The following FSIP2 variants were observed in gnomAD, a reference collection of about 807,000 sequenced individuals.
FSIP2 encodes fibrous sheath interacting protein 2, also known as fibrous sheath-interacting protein 2.
A neutral mutation model predicts 510.5 loss-of-function variants in FSIP2; 367 were observed. The observed-to-expected ratio is 0.72, with a 90% CI of 0.66 to 0.78. FSIP2 has a LOEUF of 0.78. Among genes scored for constraint, FSIP2 ranks in the 30% least tolerant of loss-of-function variants. The probability of loss-of-function intolerance (pLI) is 0.00; values close to 1 mark genes in which losing one functional copy is unlikely to be tolerated. For missense variants in FSIP2, 7,594 were observed against 7,901.7 expected (o/e 0.96, Z 1.48); for synonymous variants, 2,601 against 2,732.2 (o/e 0.95, Z 1.50).
intron 22 of FSIP2, 26 bp downstream of exon 22, chr2:185,831,908 T>C (rs1226709837): frequency 1.4e-6 from 2 of 1,392,304 alleles, no homozygotes; most frequent in African/African-American, 1.4e-5. Context: ...TTTTAACAAC[T>C]GGTGTAATTA....
Position 185,791,812 on chromosome 2 carries a change from C to A in FSIP2, c.4676C>A (p.Pro1559His). The A allele has an allele frequency of 1.3e-6, 2 of 1,534,008 alleles. No individual in the cohort carries two copies. Among genetic ancestry groups the A allele is most frequent in the Non-Finnish European group, 1.7e-6 (2 of 1,145,468 alleles). The change falls in exon 16 of 23, where the codon CCT (proline) becomes CAT (histidine). Residue 1559 changes from proline (P) to histidine (H), a missense_variant. Pro to His is a moderately conservative substitution (Grantham distance 77). Transcript: ENST00000424728. The stretch of plus-strand genomic sequence containing the variant: ...GAAGAGACTAAAAGCAAGGCAAAAC[C>A]TGTTGCTCCTGTGTCTTCCAAAACA... Reference protein sequence around the residue: ...NKEETKSKAKPVAPVSSKTPS... With the variant: ...NKEETKSKAKHVAPVSSKTPS...
rs1693115714 is a variant in FSIP2, at chr2:185,791,232, T to C, written c.4096T>C (p.Leu1366=). ...ATTAACCTGTATTTATGATATGTTG[T>C]TATCAAGTGAAAATGCACATCAAAG... ...PLLTCIYDML[L]SSENAHQRSI... The change falls in exon 16 of 23, where the codon TTA becomes CTA. Residue 1366 remains leucine, a synonymous_variant. Transcript: ENST00000424728. 1 of 1,533,932 alleles carries C rather than the reference T, an allele frequency of 6.5e-7. No homozygotes were observed. The highest frequency in any genetic ancestry group is 8.7e-7 in the Non-Finnish European group (1 of 1,145,362).
rs775869482 is a variant in FSIP2 at position 185,794,071 on chromosome 2, T to A, written c.6935T>A (p.Leu2312Gln). 2.5e-5 allele frequency: 39 copies of A among 1,531,550 alleles called. No homozygotes were observed. In the East Asian group the frequency reaches 9.1e-4, roughly 36 times the overall value. The allele number at this position is 1,531,550 out of a possible 1,614,324, so 94.9% of individuals were successfully genotyped here. ...SSQVESDVNV[L>Q]KISATETILS... ...CAAGTGGAATCAGATGTAAATGTCCTGAAAATATCAGCAACTGAAACCATT... is the reference window on the plus strand; with the variant it reads ...CAAGTGGAATCAGATGTAAATGTCCAGAAAATATCAGCAACTGAAACCATT... Residue 2312 changes from leucine to glutamine, a missense_variant, in exon 16 of 23, where the codon CTG (leucine) becomes CAG (glutamine). Physicochemically the swap from Leu to Gln is moderately radical, Grantham distance 113 (BLOSUM62 -2). Coordinates refer to ENST00000424728, the MANE Select transcript of FSIP2 (RefSeq NM_173651.4).
rs572562106 is a variant in FSIP2 at position 185,812,410 on chromosome 2, T to A, written c.19828-1135T>A. ...GCCCAATGCCTGTACCTCCATTGTATCCTAAAAATAAGCCATCCTAAAAAT... is the reference window on the plus strand; with the variant it reads ...GCCCAATGCCTGTACCTCCATTGTAACCTAAAAATAAGCCATCCTAAAAAT... On this transcript the variant is annotated intron_variant, in intron 17 of 22. Transcript: ENST00000424728. 2.1e-4 allele frequency among the ~76,000 whole-genome samples: 32 copies of A among 152,158 alleles called. No homozygotes were observed. In the Middle Eastern group the frequency reaches 0.02, roughly 97 times the overall value.
intron 13 of FSIP2, among the ~76,000 whole-genome samples, chr2:185,774,004 T>G (rs1178442707): frequency 6.6e-6 from 1 of 152,214 alleles, no homozygotes; most frequent in African/African-American, 2.4e-5. Context: ...TTCTCCTAAA[T>G]GGAGATAAAT....
intron 19 of FSIP2, among the ~76,000 whole-genome samples, chr2:185,821,556 G>A (rs560673623): frequency 2.2e-4 from 33 of 151,978 alleles, no homozygotes; most frequent in African/African-American, 8.0e-4. Flanking sequence ...AAATTCATCA[G>A]TATATTAAAA....
intron 9 of FSIP2, among the ~76,000 whole-genome samples, chr2:185,757,221 A>T (rs1199155502): frequency 2.0e-5 from 3 of 151,476 alleles, no homozygotes; most frequent in Non-Finnish European, 4.4e-5. Flanking sequence ...CTGGTGTTTA[A>T]TGCATCCCAG....
chr2:185,784,749 G>C (rs1692928353), intron 14 of FSIP2, among the ~76,000 whole-genome samples: 1 of 152,036 alleles, frequency 6.6e-6, no homozygotes. Flanking sequence ...CTATTACCTA[G>C]ATTCACTGTT....
In FSIP2 at chr2:185,791,682, C is replaced by G; in HGVS notation, c.4546C>G (p.Leu1516Val). 1.3e-6 allele frequency: 2 copies of G among 1,534,240 alleles called. No individual in the cohort carries two copies. Among genetic ancestry groups the G allele is most frequent in the Non-Finnish European group, 1.7e-6 (2 of 1,145,560 alleles). Residue 1516 changes from leucine to valine, a missense_variant, in exon 16 of 23, where the codon CTT (leucine) becomes GTT (valine). Coordinates refer to ENST00000424728, the MANE Select transcript of FSIP2 (RefSeq NM_173651.4). ...SCGLKAISES[L>V]DIDNPSFASI... The stretch of plus-strand genomic sequence containing the variant: ...TGGATTAAAAGCTATCTCAGAGTCT[C>G]TTGACATTGACAACCCATCATTTGC...
Position 185,805,418 on chromosome 2 carries a change from G to A in FSIP2, c.16112G>A (p.Gly5371Asp), listed in dbSNP as rs1693542343. 2 of 1,604,142 alleles carry A rather than the reference G, an allele frequency of 1.2e-6. No homozygotes were observed. The highest frequency in any genetic ancestry group is 8.5e-7 in the Non-Finnish European group (1 of 1,176,104). The change falls in exon 17 of 23, where the codon GGT (glycine) becomes GAT (aspartate). Residue 5371 changes from glycine (G) to aspartate (D), a missense_variant. Transcript: ENST00000424728. ...TGCACATCTCATGATATTCAAAAAG[G>A]TGATGAAAGTAACATTGCTATAGGG... ...EKCTSHDIQK[G>D]DESNIAIGMI...
rs563559257 is a variant in FSIP2 at position 185,783,288 on chromosome 2, C to A, written c.1469+526C>A. ...GCCCAGGGACTTTTCATTCTTCAAA[C>A]CTTAGTGACCACCTATTTTGTTGAT... On this transcript the variant is annotated intron_variant, in intron 14 of 22. Coordinates refer to ENST00000424728, the MANE Select transcript of FSIP2 (RefSeq NM_173651.4). 3.3e-4 allele frequency among the ~76,000 whole-genome samples: 51 copies of A among 152,250 alleles called. 1 individual carries two copies. The South Asian group carries it at 0.01, about 31-fold the overall frequency.
intron 13 of FSIP2, chr2:185,764,795 T>G (rs1041444665): frequency 6.9e-6 from 3 of 435,102 alleles, no homozygotes; most frequent in Non-Finnish European, 8.2e-6. Context: ...GGGAAAGTTA[T>G]GGGAAAGAGA....
In FSIP2 at chr2:185,794,565, A is replaced by C. The variant is rs762221944; in HGVS notation, c.7429A>C (p.Asn2477His). The change falls in exon 16 of 23, where the codon AAC becomes CAC. Residue 2477 changes from asparagine (N) to histidine (H), a missense_variant. Asn to His is a moderately conservative substitution (Grantham distance 68, BLOSUM62 1). Transcript: ENST00000424728. ...ATTTATGAGAAATGGAGAATCAAAA[A>C]ACAAAGAAAAAGGTGAACTGCTCAT... ...EIFMRNGESK[N>H]KEKGELLIAV... is the part of the protein sequence containing the mutation. 3 of 1,531,358 alleles carry C rather than the reference A, an allele frequency of 2.0e-6. No individual in the cohort carries two copies. In the South Asian group the frequency reaches 3.6e-5, roughly 18 times the overall value. 94.9% of individuals were successfully genotyped at this position (1,531,358 alleles called of 1,614,324 possible).
At chr2:185,764,294 C>T (rs1692415828) in intron 12 of FSIP2, among the ~76,000 whole-genome samples, 1 of 151,650 alleles carries the variant, frequency 6.6e-6, no homozygotes, top group Admixed American at 6.6e-5. Flanking sequence ...TTAAGTACAA[C>T]TTTTGATACA....
intron 14 of FSIP2, among the ~76,000 whole-genome samples, chr2:185,786,038 C>A (rs1294155300): frequency 1.3e-5 from 2 of 151,686 alleles, no homozygotes; most frequent in African/African-American, 2.4e-5. Flanking sequence ...TAATTCTGTA[C>A]CCCTGGGTAA....
rs926718776 is a variant in FSIP2, at chr2:185,794,500, T to A, written c.7364T>A (p.Ile2455Lys). ...TKYPLEQNQM[I>K]LENKRQIIVL... ...TATCCATTAGAGCAAAACCAAATGATATTGGAAAACAAAAGGCAGATAATT... is the reference window on the plus strand; with the variant it reads ...TATCCATTAGAGCAAAACCAAATGAAATTGGAAAACAAAAGGCAGATAATT... The change falls in exon 16 of 23, where the codon ATA becomes AAA. Residue 2455 changes from isoleucine to lysine, a missense_variant. Transcript: ENST00000424728. 1.8e-5 allele frequency: 28 copies of A among 1,522,902 alleles called. No individual in the cohort carries two copies. The highest frequency in any genetic ancestry group is 2.5e-5 in the Non-Finnish European group (28 of 1,142,466). 94.3% of individuals were successfully genotyped at this position (1,522,902 alleles called of 1,614,324 possible). A position where few individuals can be genotyped will look rare whatever the true frequency, so the allele number is the denominator to read the frequency against.
chr2:185,737,272 G>A (rs1691801330), upstream of FSIP2, among the ~76,000 whole-genome samples: 1 of 152,126 alleles, frequency 6.6e-6, no homozygotes, highest in Admixed American at 6.5e-5. Flanking sequence ...TGATTTGCTG[G>A]CAATAAGAAA....
Position 185,745,558 on chromosome 2 carries a change from ATGAGGCATAGGTAAGATTAAAGT to A in FSIP2, c.617_617+22del. On this transcript the variant is annotated splice_donor_variant and splice_donor_5th_base_variant and coding_sequence_variant and intron_variant, in exon 5 of 23. Coordinates refer to ENST00000424728, the MANE Select transcript of FSIP2 (RefSeq NM_173651.4). LOFTEE classifies it high-confidence loss of function. Reference sequence around the variant, plus strand: ...ATCTATTAAGGACCAGGAGCGGCTGATGAGGCATAGGTAAGATTAAAGTTGAGGCATATTTTATGGGTATGTTG... The same window carrying A: ...ATCTATTAAGGACCAGGAGCGGCTGATGAGGCATATTTTATGGGTATGTTG... 1 of 1,533,996 alleles carries A rather than the reference ATGAGGCATAGGTAAGATTAAAGT, an allele frequency of 6.5e-7. No individual in the cohort carries two copies. The highest frequency in any genetic ancestry group is 8.7e-7 in the Non-Finnish European group (1 of 1,145,726).
Position 185,803,885 on chromosome 2 carries a change from T to G in FSIP2, c.14579T>G (p.Ile4860Ser). The change falls in exon 17 of 23, where the codon ATC (isoleucine) becomes AGC (serine). Residue 4860 changes from isoleucine (I) to serine (S), a missense_variant. Coordinates refer to ENST00000424728, the MANE Select transcript of FSIP2 (RefSeq NM_173651.4). ...KKQSMISAKD[I>S]QSMVDSIYAD... ...CAGAGTATGATTTCAGCAAAAGATA[T>G]CCAGTCTATGGTTGATTCCATTTAT... The G allele has an allele frequency of 2.6e-6, 4 of 1,524,700 alleles. No homozygotes were observed. Among genetic ancestry groups the G allele is most frequent in the Non-Finnish European group, 3.5e-6 (4 of 1,139,154 alleles). 94.4% of individuals were successfully genotyped at this position (1,524,700 alleles called of 1,614,324 possible). A position where few individuals can be genotyped will look rare whatever the true frequency, so the allele number is the denominator to read the frequency against.
Sources: allele counts gnomAD v4.1 joint callset (sites outside exome capture counted in the v4.1 genomes callset), GRCh38; gene constraint gnomAD v4.1.1; transcripts MANE v1.5; gene names NCBI Gene and HGNC (gene_info 2026-07-23, HGNC 2026-07-21).